POLK: variants seen among roughly 807,000 people sequenced by gnomAD.
POLK encodes the protein polymerase (DNA directed) kappa.
In POLK, 76 loss-of-function variants were observed where a neutral mutation model predicts 94.0. The ratio of observed to expected loss-of-function variants is 0.81; its 90% CI spans 0.67 to 0.98. The LOEUF (loss-of-function observed/expected upper bound fraction) is 0.98, where lower values mean the gene tolerates loss of function less well. POLK is among the 50% of genes least tolerant of loss of function. The pLI is 0.00. For synonymous variants in POLK, 349 were observed against 325.4 expected (o/e 1.07, Z -0.78); for missense variants, 954 against 1,010.1 (o/e 0.94, Z 0.75).
At chr5:75,602,837 G>A (rs531448028), downstream of POLK, among the ~76,000 whole-genome samples, 2 of 152,220 alleles carry the variant, frequency 1.3e-5, no homozygotes, top group African/African-American at 4.8e-5. Context: ...AATCTTTTGT[G>A]ATAGTAGGAA....
At chr5:75,568,131 TC>T (rs1277886480) in intron 3 of POLK, among the ~76,000 whole-genome samples, 2 of 152,202 alleles carry the variant, frequency 1.3e-5, no homozygotes, top group Admixed American at 6.5e-5. Flanking sequence ...AACTCCACGT[TC>T]CATAGATGAC....
chr5:75,586,247 C>T (rs1772465203), intron 9 of POLK, among the ~76,000 whole-genome samples: 3 of 152,014 alleles, frequency 2.0e-5, no homozygotes, highest in African/African-American at 4.8e-5. Context: ...TCTCTATTCC[C>T]CTATTCTGCT....
At chr5:75,513,728 C>T (rs1768184621) in intron 1 of POLK, among the ~76,000 whole-genome samples, 1 of 152,174 alleles carries the variant, frequency 6.6e-6, no homozygotes, top group Non-Finnish European at 1.5e-5. Flanking sequence ...ATAGGCTTCA[C>T]TATAACATTG....
chr5:75,528,036 C>T (rs958848943), intron 1 of POLK, among the ~76,000 whole-genome samples: 1 of 152,166 alleles, frequency 6.6e-6, no homozygotes, highest in African/African-American at 2.4e-5. Context: ...AAAGTTCAGC[C>T]ATCCCCAAGT....
At chr5:75,588,764 A>G (rs920822377) in intron 10 of POLK, among the ~76,000 whole-genome samples, 4 of 152,216 alleles carry the variant, frequency 2.6e-5, no homozygotes, top group South Asian at 4.1e-4. Context: ...AAAAGCTTCT[A>G]GAGGCCACAG....
At chr5:75,604,800 A>T (rs1252512162), downstream of POLK, among the ~76,000 whole-genome samples, 10 of 152,238 alleles carry the variant, frequency 6.6e-5, no homozygotes, top group Admixed American at 6.5e-4. Context: ...TTCCCTGGAG[A>T]AAAAACTGTT....
At chr5:75,598,065 A>G (rs367577836) in exon 15 of POLK, 2 of 744,086 alleles carry the variant, frequency 2.7e-6, no homozygotes, top group Non-Finnish European at 4.3e-6. Flanking sequence ...TAGTTATTTT[A>G]TAATCAATGA....
At chr5:75,542,669 A>G (rs1358952286) in intron 1 of POLK, among the ~76,000 whole-genome samples, 2 of 147,678 alleles carry the variant, frequency 1.4e-5, no homozygotes, top group African/African-American at 2.5e-5. Flanking sequence ...ATATATACAC[A>G]TATATACATA....
chr5:75,511,450 C>CCGCCGT (rs746786853), upstream of POLK: 466 of 1,533,128 alleles, frequency 3.0e-4, 1 homozygote, highest in Admixed American at 1.1e-3. Context: ...TCAGCCGCCG[C>CCGCCGT]CGCCGTCGCC....
At chr5:75,593,819 G>C in intron 11 of POLK, 59 bp from the exon 12 acceptor site, 3 of 1,074,662 alleles carry the variant, frequency 2.8e-6, no homozygotes, top group Non-Finnish European at 4.0e-6. Flanking sequence ...CTCCAGCATG[G>C]ACAACAGAGA....
At chr5:75,515,754 TC>T (rs1169537010) in intron 1 of POLK, among the ~76,000 whole-genome samples, 1 of 152,184 alleles carries the variant, frequency 6.6e-6, no homozygotes, top group East Asian at 1.9e-4. Context: ...TTTCTCCACA[TC>T]CTTGCCACCA....
At chr5:75,555,199 A>G (rs1770559177) in intron 3 of POLK, among the ~76,000 whole-genome samples, 3 of 152,166 alleles carry the variant, frequency 2.0e-5, no homozygotes, top group Non-Finnish European at 2.9e-5. Flanking sequence ...TTGGTGGTGT[A>G]CATTCTGTGG....
chr5:75,556,075 T>C (rs1333568611), intron 3 of POLK, among the ~76,000 whole-genome samples: 1 of 152,252 alleles, frequency 6.6e-6, no homozygotes, highest in African/African-American at 2.4e-5. Context: ...TTTAGCTTTA[T>C]AAGAAACTGC....
At chr5:75,597,138 T>C (rs1281983621) in exon 13 of POLK, 4 of 1,608,264 alleles carry the variant, frequency 2.5e-6, no homozygotes, top group African/African-American at 1.3e-5. Flanking sequence ...AGGATAAATT[T>C]AACCCAGTTA....
At chr5:75,524,890 A>T (rs954439301) in intron 1 of POLK, among the ~76,000 whole-genome samples, 1 of 152,200 alleles carries the variant, frequency 6.6e-6, no homozygotes, top group Non-Finnish European at 1.5e-5. Flanking sequence ...GAAATTCTAA[A>T]TGCTGTATAA....
chr5:75,565,204 TC>T (rs1482335662), intron 3 of POLK, among the ~76,000 whole-genome samples: 5 of 152,126 alleles, frequency 3.3e-5, no homozygotes, highest in African/African-American at 1.2e-4. Flanking sequence ...TTCCCGAAGT[TC>T]TTGTGCTGTG....
intron 3 of POLK, among the ~76,000 whole-genome samples, chr5:75,564,601 T>C (rs1181644742): frequency 6.6e-6 from 1 of 152,214 alleles, no homozygotes; most frequent in African/African-American, 2.4e-5. Flanking sequence ...ACAGAATTCC[T>C]CAGCATTTGC....
intron 1 of POLK, among the ~76,000 whole-genome samples, chr5:75,525,666 T>C (rs1768804622): frequency 6.6e-6 from 1 of 152,070 alleles, no homozygotes; most frequent in African/African-American, 2.4e-5. Context: ...AAAACATACA[T>C]AGAGGAACAA....
At chr5:75,596,192 T>C in intron 12 of POLK, 30 bp from the exon 13 acceptor site, 1 of 1,287,778 alleles carries the variant, frequency 7.8e-7, no homozygotes, top group African/African-American at 1.5e-5. Context: ...TTTGTTCAAT[T>C]TGAAATTGAT....
Sources: gnomAD v4.1 joint callset for allele counts (sites outside exome capture counted in the v4.1 genomes callset) on GRCh38, gnomAD v4.1.1 for gene constraint, MANE v1.5 for transcripts, NCBI Gene and HGNC (gene_info 2026-07-23, HGNC 2026-07-21) for gene names.